RTL4: variants seen among roughly 807,000 people sequenced by gnomAD.
RTL4 encodes the protein retrotransposon Gag like 4, also known as retrotransposon Gag-like protein 4.
Under a neutral mutation model 5.3 loss-of-function variants are expected in RTL4, and 4 were observed. The ratio of observed to expected loss-of-function variants is 0.75; its 90% CI spans 0.37 to 1.72. The LOEUF (loss-of-function observed/expected upper bound fraction) is 1.72, where lower values mean the gene tolerates loss of function less well. RTL4 is among the 40% of genes most tolerant of loss of function. The probability of loss-of-function intolerance (pLI) is 0.04; values close to 1 mark genes in which losing one functional copy is unlikely to be tolerated. For missense variants in RTL4, 260 were observed against 227.1 expected (o/e 1.14, Z -0.93); for synonymous variants, 98 against 87.3 (o/e 1.12, Z -0.68).
At chrX:112,190,063 T>C in the RTL4 span, among the ~76,000 whole-genome samples, 2 of 112,363 alleles carry the variant, frequency 1.8e-5, no homozygotes, top group Admixed American at 1.9e-4. Flanking sequence ...AATGCGATAA[T>C]GCATCTTTGT....
chrX:112,340,780 G>A, the RTL4 span, among the ~76,000 whole-genome samples: 1 of 110,805 alleles, frequency 9.0e-6, no homozygotes, highest in African/African-American at 3.3e-5. Flanking sequence ...GCAGTGGTGC[G>A]ATCTCAGCTC....
chrX:112,327,082 T>C, the RTL4 span, among the ~76,000 whole-genome samples: 4 of 111,577 alleles, frequency 3.6e-5, no homozygotes, highest in Non-Finnish European at 7.5e-5. Context: ...AACTGGAAAC[T>C]CTAAAAAGCA....
At chrX:112,321,534 CA>C in the RTL4 span, among the ~76,000 whole-genome samples, 94 of 36,414 alleles carry the variant, frequency 2.6e-3, no homozygotes, top group East Asian at 0.022. Flanking sequence ...GACTCCGTCT[CA>C]AAAAAAAAAA....
chrX:112,304,669 T>C, the RTL4 span, among the ~76,000 whole-genome samples: 5 of 84,483 alleles, frequency 5.9e-5, no homozygotes, highest in Admixed American at 3.0e-4. Flanking sequence ...TTTTTTTGGC[T>C]CACAGCTATC....
At chrX:112,286,894 C>T in the RTL4 span, among the ~76,000 whole-genome samples, 1 of 111,673 alleles carries the variant, frequency 9.0e-6, no homozygotes, top group Non-Finnish European at 1.9e-5. Context: ...GATTGAATAT[C>T]ACCACATGGA....
the RTL4 span, among the ~76,000 whole-genome samples, chrX:112,410,311 T>A: frequency 9.0e-6 from 1 of 111,709 alleles, no homozygotes; most frequent in Admixed American, 9.5e-5. Flanking sequence ...CCACTTTCAG[T>A]ATTGGACAGC....
chrX:112,188,039 T>C, the RTL4 span, among the ~76,000 whole-genome samples: 2 of 111,916 alleles, frequency 1.8e-5, no homozygotes, highest in South Asian at 3.8e-4. Flanking sequence ...TTATTGAGCA[T>C]CTACTAGGCG....
chrX:112,338,997 G>A, the RTL4 span, among the ~76,000 whole-genome samples: 4 of 111,418 alleles, frequency 3.6e-5, no homozygotes, highest in Non-Finnish European at 5.7e-5. Context: ...TTGTATGTAC[G>A]TGAGAGATAG....
chrX:112,355,855 T>G, the RTL4 span, among the ~76,000 whole-genome samples: 2 of 111,880 alleles, frequency 1.8e-5, no homozygotes, highest in Admixed American at 1.9e-4. Context: ...CATTTTGGTC[T>G]GCTTATTCTG....
the RTL4 span, among the ~76,000 whole-genome samples, chrX:112,328,260 C>A: frequency 1.8e-5 from 2 of 110,322 alleles, no homozygotes; most frequent in African/African-American, 6.6e-5. Flanking sequence ...TTCAGGAAAC[C>A]CATCTCATGT....
chrX:112,420,837 C>T, the RTL4 span, among the ~76,000 whole-genome samples: 2 of 111,787 alleles, frequency 1.8e-5, no homozygotes, highest in African/African-American at 6.5e-5. Flanking sequence ...GAACTGTTCA[C>T]CAGCCCCAGG....
chrX:112,455,994 C>G (rs1309246457), exon 1 of RTL4: 1 of 287,982 alleles, frequency 3.5e-6, no homozygotes, highest in African/African-American at 2.8e-5. Context: ...TTATCCTGAC[C>G]AATGGGTGAC....
the RTL4 span, among the ~76,000 whole-genome samples, chrX:112,212,234 A>G: frequency 3.5e-4 from 39 of 111,108 alleles, no homozygotes; most frequent in African/African-American, 3.9e-4. Flanking sequence ...AAAATTAGCC[A>G]GGCATGGTGG....
the RTL4 span, among the ~76,000 whole-genome samples, chrX:112,151,322 C>T: frequency 9.0e-6 from 1 of 111,585 alleles, no homozygotes; most frequent in African/African-American, 3.3e-5. Context: ...AGCTCAAGGC[C>T]GAGCCAAAGG....
At chrX:112,097,887 T>A in the RTL4 span, among the ~76,000 whole-genome samples, 3 of 111,287 alleles carry the variant, frequency 2.7e-5, no homozygotes, top group Non-Finnish European at 3.8e-5. Flanking sequence ...TTTTTTTCAA[T>A]TTGGCCCTGG....
At chrX:112,403,905 C>A in the RTL4 span, among the ~76,000 whole-genome samples, 1 of 112,286 alleles carries the variant, frequency 8.9e-6, no homozygotes. Flanking sequence ...TAGTTACCAG[C>A]ATTTAAAAAT....
the RTL4 span, among the ~76,000 whole-genome samples, chrX:112,228,694 A>C: frequency 9.0e-6 from 1 of 111,337 alleles, no homozygotes; most frequent in Non-Finnish European, 1.9e-5. Flanking sequence ...TATTTCCCCT[A>C]CACCCCAGCC....
chrX:112,409,973 G>T, the RTL4 span, among the ~76,000 whole-genome samples: 1 of 110,456 alleles, frequency 9.1e-6, no homozygotes, highest in Non-Finnish European at 1.9e-5. Flanking sequence ...ACAATGTATT[G>T]TCTACAAGAA....
At chrX:112,181,167 C>T in the RTL4 span, among the ~76,000 whole-genome samples, 3 of 111,921 alleles carry the variant, frequency 2.7e-5, no homozygotes, top group Non-Finnish European at 3.8e-5. Flanking sequence ...ACGCTTTTAC[C>T]GTGGTCTTCA....
Sources: allele counts gnomAD v4.1 joint callset (sites outside exome capture counted in the v4.1 genomes callset), GRCh38; gene constraint gnomAD v4.1.1; transcripts MANE v1.5; gene names NCBI Gene and HGNC (gene_info 2026-07-23, HGNC 2026-07-21).